CDC42BPA: variants seen among roughly 807,000 people sequenced by gnomAD.
The protein encoded by CDC42BPA is CDC42 binding protein kinase alpha.
Under a neutral mutation model 223.5 loss-of-function variants are expected in CDC42BPA, and 80 were observed. The observed-to-expected ratio is 0.36, with a 90% CI of 0.30 to 0.43. CDC42BPA has a LOEUF of 0.43. CDC42BPA is among the 20% of genes least tolerant of loss of function. CDC42BPA has a pLI of 1.00. For missense variants in CDC42BPA, 1,743 were observed against 2,099.9 expected, an observed-to-expected ratio of 0.83 and a Z score of 3.32; for synonymous variants, 694 against 718.6, an observed-to-expected ratio of 0.97 and a Z score of 0.55.
intron 21 of CDC42BPA, among the ~76,000 whole-genome samples, chr1:227,061,839 C>T (rs1311560828): frequency 6.6e-6 from 1 of 152,126 alleles, no homozygotes; most frequent in Non-Finnish European, 1.5e-5. Flanking sequence ...TACAATCTGC[C>T]CCTTGGGGAA....
At chr1:227,217,127 T>C (rs550627885) in intron 2 of CDC42BPA, among the ~76,000 whole-genome samples, 18 of 152,218 alleles carry the variant, frequency 1.2e-4, no homozygotes, top group African/African-American at 4.1e-4. Flanking sequence ...ATAGCAAGAA[T>C]TCATTCACCA....
chr1:227,175,668 T>G (rs1389940407), intron 5 of CDC42BPA, among the ~76,000 whole-genome samples: 1 of 152,140 alleles, frequency 6.6e-6, no homozygotes, highest in African/African-American at 2.4e-5. Flanking sequence ...AATTTGAAAT[T>G]TTCCCATCTT....
chr1:227,096,811 C>G (rs1232765639), intron 15 of CDC42BPA, among the ~76,000 whole-genome samples: 3 of 152,134 alleles, frequency 2.0e-5, no homozygotes, highest in African/African-American at 7.2e-5. Context: ...TCAATGACAC[C>G]AGCTGGTTTT....
chr1:227,085,741 T>A (rs980574840), intron 16 of CDC42BPA, among the ~76,000 whole-genome samples: 1 of 152,242 alleles, frequency 6.6e-6, no homozygotes, highest in Non-Finnish European at 1.5e-5. Flanking sequence ...ACACACTGAT[T>A]TGCCTATTGC....
intron 21 of CDC42BPA, chr1:227,068,897 T>C (rs762912258): frequency 1.7e-4 from 29 of 170,540 alleles, no homozygotes; most frequent in Non-Finnish European, 3.6e-4. Flanking sequence ...AGAGTGATTA[T>C]TTTTCCTTTT....
intron 2 of CDC42BPA, among the ~76,000 whole-genome samples, chr1:227,245,174 T>C (rs2148160728): frequency 6.6e-6 from 1 of 152,088 alleles, no homozygotes; most frequent in African/African-American, 2.4e-5. Context: ...TAGGGAGGCA[T>C]CAGCTGTCCA....
Position 227,317,204 on chromosome 1 carries a change from T to C in CDC42BPA, c.-22A>G, listed in dbSNP as rs779446575. ...ACATGTTTGCTTCGATTTCTGCTGG[T>C]TTTCCTTTAAATTATTATGATGACT... is the stretch of plus-strand genomic sequence containing the variant. On this transcript the variant is annotated 5_prime_UTR_variant, in exon 1 of 37. Coordinates refer to ENST00000366766, the MANE Select transcript of CDC42BPA (RefSeq NM_001394014.1). 6.3e-7 allele frequency: 1 copy of C among 1,589,772 alleles called. No individual in the cohort carries two copies. The highest frequency in any genetic ancestry group is 1.2e-5 in the South Asian group (1 of 86,590).
chr1:227,129,468 G>A (rs1656531188), intron 10 of CDC42BPA, among the ~76,000 whole-genome samples: 1 of 151,592 alleles, frequency 6.6e-6, no homozygotes, highest in Non-Finnish European at 1.5e-5. Context: ...AGGAGTATGA[G>A]ACCAGACTGG....
intron 8 of CDC42BPA, 44 bp downstream of exon 8, chr1:227,145,445 G>A: frequency 6.4e-7 from 1 of 1,560,590 alleles, no homozygotes; most frequent in Non-Finnish European, 8.7e-7. Context: ...AACCATAGTA[G>A]AAAGAAACAG....
intron 5 of CDC42BPA, among the ~76,000 whole-genome samples, chr1:227,162,868 A>ATATGTGTGTGTGTGTGTGTGTG (rs1553371209): frequency 4.1e-4 from 61 of 149,466 alleles, no homozygotes; most frequent in East Asian, 2.0e-3. Context: ...ATAAATATAT[A>ATATGTGTGTGTGTGTGTGTGTG]TGTGTGTGTG....
chr1:227,025,009 G>A (rs1475329595), intron 31 of CDC42BPA, among the ~76,000 whole-genome samples: 1 of 152,182 alleles, frequency 6.6e-6, no homozygotes, highest in Non-Finnish European at 1.5e-5. Context: ...GTGGGAGGCC[G>A]AGGCGGGCAG....
At position 227,074,351 on chromosome 1, in the gene CDC42BPA, T is replaced by C. The variant is rs1156523923; in HGVS notation, c.2494A>G (p.Lys832Glu). ...TEIIQWVSDE[K>E]DARGYLQALA... ...GCCTGAAGATACCCTCGTGCATCCT[T>C]TTCATCGCTGACCCTAGAATATATA... is the stretch of plus-strand genomic sequence containing the variant. The change falls in exon 18 of 37, where the codon AAG becomes GAG. Residue 832 changes from lysine (K) to glutamate (E), a missense_variant. Around this residue, in one of 6 missense-constraint regions of CDC42BPA, gnomAD observed 464 missense variants for 488.0 expected, o/e 0.95. Coordinates refer to ENST00000366766, the MANE Select transcript of CDC42BPA (RefSeq NM_001394014.1). 2 of 1,612,374 alleles carry C rather than the reference T, an allele frequency of 1.2e-6. No individual in the cohort carries two copies. The highest frequency in any genetic ancestry group is 1.7e-6 in the Non-Finnish European group (2 of 1,178,850).
intron 2 of CDC42BPA, among the ~76,000 whole-genome samples, chr1:227,221,856 C>A (rs1021031584): frequency 2.0e-5 from 3 of 151,804 alleles, no homozygotes; most frequent in Admixed American, 2.0e-4. Flanking sequence ...TTCCTCAAAG[C>A]CAGCCATAAA....
chr1:227,269,397 T>A lies in CDC42BPA; in HGVS notation c.179-15242A>T, dbSNP rs181901191. ...TGCCATAATTAGAGAAACAATTTTT[T>A]AAAATCTACAGTAATACTAGGAAAA... On this transcript the variant is annotated intron_variant, in intron 1 of 36. Coordinates refer to ENST00000366766, the MANE Select transcript of CDC42BPA (RefSeq NM_001394014.1). Among the ~76,000 whole-genome samples the A allele has an allele frequency of 2.4e-4, 37 of 152,340 alleles. No individual in the cohort carries two copies. The East Asian group carries it at 5.8e-3, about 24-fold the overall frequency.
At chr1:227,057,872 G>T (rs890675769) in intron 21 of CDC42BPA, among the ~76,000 whole-genome samples, 2 of 152,116 alleles carry the variant, frequency 1.3e-5, no homozygotes, top group Admixed American at 1.3e-4. Flanking sequence ...CAAGGCCCCA[G>T]AAAGTCTGCA....
chr1:227,180,358 C>T (rs1329803723), intron 5 of CDC42BPA: 1 of 152,074 alleles, frequency 6.6e-6, no homozygotes, highest in Non-Finnish European at 1.5e-5. Flanking sequence ...TATGAAATGA[C>T]AGGTGATCTA....
chr1:227,313,741 T>A (rs780573466), intron 1 of CDC42BPA, among the ~76,000 whole-genome samples: 3 of 145,936 alleles, frequency 2.1e-5, no homozygotes. Context: ...CCTCACTTAA[T>A]TAACACTCGT....
At chr1:227,092,708 C>T (rs546849868) in intron 15 of CDC42BPA, among the ~76,000 whole-genome samples, 3 of 152,146 alleles carry the variant, frequency 2.0e-5, no homozygotes, top group East Asian at 3.9e-4. Flanking sequence ...AAATTTACTT[C>T]GAAATAATTT....
chr1:227,008,953 T>C (rs1423307677), intron 34 of CDC42BPA, among the ~76,000 whole-genome samples: 2 of 152,204 alleles, frequency 1.3e-5, no homozygotes, highest in East Asian at 3.8e-4. Context: ...AGAGCAACCC[T>C]GTAAGACGCA....
Sources: gnomAD v4.1 joint callset for allele counts (sites outside exome capture counted in the v4.1 genomes callset) on GRCh38, gnomAD v4.1.1 for gene constraint, gnomAD v4.1.1 regional missense constraint, MANE v1.5 for transcripts, NCBI Gene and HGNC (gene_info 2026-07-23, HGNC 2026-07-21) for gene names.